Variants in PRMT1 observed in about 807,000 individuals in gnomAD.
PRMT1 encodes the protein protein arginine methyltransferase 1.
PRMT1 carries 5 observed loss-of-function variants against 47.4 expected under a neutral mutation model. That is an observed-to-expected ratio of 0.11 (90% CI 0.06 to 0.22). The LOEUF (loss-of-function observed/expected upper bound fraction) is 0.22. PRMT1 is among the 10% of genes least tolerant of loss of function. The pLI, the probability that PRMT1 is intolerant of heterozygous loss-of-function variation, is 1.00. For synonymous variants in PRMT1, 227 were observed against 204.6 expected, an observed-to-expected ratio of 1.11 and a Z score of -0.94; for missense variants, 249 against 518.4, an observed-to-expected ratio of 0.48 and a Z score of 5.05.
rs562210457 is a variant in PRMT1 at position 49,688,028 on chromosome 19, C to G, written c.1033-134C>G. On this transcript the variant is annotated intron_variant, in intron 10 of 10. Coordinates refer to ENST00000454376, the MANE Select transcript of PRMT1 (RefSeq NM_001536.6). The surrounding 1 kb of genome is among the most constrained non-coding windows in gnomAD (Gnocchi z 5.3). ...GTCAGGGCAGCTGCTAGGGTGGGAC[C>G]AGCAGTTGGGGTCTGCAGCGTGGAG... 1.6e-5 allele frequency: 13 copies of G among 818,782 alleles called. No individual in the cohort carries two copies. In the African/African-American group the frequency reaches 1.8e-4, roughly 12 times the overall value. 50.7% of individuals were successfully genotyped at this position (818,782 alleles called of 1,614,324 possible).
chr19:49,685,963 G>T lies in PRMT1; in HGVS notation c.760-130G>T. ...CAGAGTGAAGGAGGAGCCGAGGCTGGGTGCCAGTGAGGGAGGGCTAGCAGG... is the reference window on the plus strand; with the variant it reads ...CAGAGTGAAGGAGGAGCCGAGGCTGTGTGCCAGTGAGGGAGGGCTAGCAGG... On this transcript the variant is annotated intron_variant, in intron 8 of 10. Coordinates refer to ENST00000454376, the MANE Select transcript of PRMT1 (RefSeq NM_001536.6). The surrounding 1 kb of genome is among the most constrained non-coding windows in gnomAD (Gnocchi z 4.7). 2 of 1,481,316 alleles carry T rather than the reference G, an allele frequency of 1.4e-6. No homozygotes were observed. The highest frequency in any genetic ancestry group is 2.8e-5 in the South Asian group (2 of 72,302). The allele number at this position is 1,481,316 out of a possible 1,614,324, so 91.8% of individuals were successfully genotyped here.
Position 49,685,832 on chromosome 19 carries a change from T to C in PRMT1, c.760-261T>C. ...TGGGGCGCCTGCATTCTAGGAGGTC[T>C]GGACAGAGTTAGGGTGGCACTGCCA... On this transcript the variant is annotated intron_variant, in intron 8 of 10. Transcript: ENST00000454376. The surrounding 1 kb of genome is among the most constrained non-coding windows in gnomAD (Gnocchi z 4.7). The C allele has an allele frequency of 7.6e-7, 1 of 1,315,274 alleles. No individual in the cohort carries two copies. The highest frequency in any genetic ancestry group is 9.7e-7 in the Non-Finnish European group (1 of 1,030,126). The allele number at this position is 1,315,274 out of a possible 1,614,324, so 81.5% of individuals were successfully genotyped here. A position where few individuals can be genotyped will look rare whatever the true frequency, so the allele number is the denominator to read the frequency against.
At position 49,685,835 on chromosome 19, in the gene PRMT1, A is replaced by T; in HGVS notation, c.760-258A>T. On this transcript the variant is annotated intron_variant, in intron 8 of 10. Transcript: ENST00000454376. The surrounding 1 kb of genome is among the most constrained non-coding windows in gnomAD (Gnocchi z 4.7). ...GGCGCCTGCATTCTAGGAGGTCTGG[A>T]CAGAGTTAGGGTGGCACTGCCAGGT... is the stretch of plus-strand genomic sequence containing the variant. The T allele has an allele frequency of 7.6e-7, 1 of 1,323,714 alleles. No individual in the cohort carries two copies. Among genetic ancestry groups the T allele is most frequent in the Non-Finnish European group, 9.7e-7 (1 of 1,035,006 alleles). The allele number at this position is 1,323,714 out of a possible 1,614,324, so 82.0% of individuals were successfully genotyped here.
intron 10 of PRMT1, among the ~76,000 whole-genome samples, chr19:49,687,279 C>T (rs1254419297): frequency 2.6e-5 from 4 of 152,076 alleles, no homozygotes; most frequent in African/African-American, 7.2e-5. Context: ...GGGGGCTTCT[C>T]GGAGACAGGG....
At chr19:49,686,497 A>G in intron 9 of PRMT1, 108 bp from the exon 10 acceptor site, 1 of 1,236,052 alleles carries the variant, frequency 8.1e-7, no homozygotes, top group African/African-American at 1.6e-5. Flanking sequence ...ACTCGCGGAT[A>G]GCAGTCCCAT....
chr19:49,685,011 C>T lies in PRMT1; in HGVS notation c.733C>T (p.Leu245=). 1 of 1,613,368 alleles carries T rather than the reference C, an allele frequency of 6.2e-7. No individual in the cohort carries two copies. The highest frequency in any genetic ancestry group is 8.5e-7 in the Non-Finnish European group (1 of 1,179,550). ...AGTGGATGTCGTGGACCCCAAACAG[C>T]TGGTCACCAACGCCTGCCTCATAAA... ...PLVDVVDPKQ[L]VTNACLIKEV... Residue 245 remains leucine, a synonymous_variant, in exon 8 of 11, where the codon CTG becomes TTG. Transcript: ENST00000454376. This position sits in a 1 kb window ranked among gnomAD's most constrained non-coding sequence, Gnocchi z 4.7.
chr19:49,684,650 C>A lies in PRMT1; in HGVS notation c.556-104C>A. On this transcript the variant is annotated intron_variant, in intron 6 of 10. Coordinates refer to ENST00000454376, the MANE Select transcript of PRMT1 (RefSeq NM_001536.6). The surrounding 1 kb of genome is among the most constrained non-coding windows in gnomAD (Gnocchi z 6.2). ...GGGCGAGGGGTGAGTGCCGCTGCGA[C>A]ATGAGGGTGGCCCAGACCAGGGCAG... The A allele has an allele frequency of 7.7e-7, 1 of 1,301,144 alleles. No homozygotes were observed. Among genetic ancestry groups the A allele is most frequent in the East Asian group, 2.5e-5 (1 of 39,386 alleles). The allele number at this position is 1,301,144 out of a possible 1,614,324, so 80.6% of individuals were successfully genotyped here. A position where few individuals can be genotyped will look rare whatever the true frequency, so the allele number is the denominator to read the frequency against.
chr19:49,678,678 C>G (rs1429934029), intron 1 of PRMT1, among the ~76,000 whole-genome samples: 1 of 152,096 alleles, frequency 6.6e-6, no homozygotes, highest in Non-Finnish European at 1.5e-5. Flanking sequence ...GCTGGAGGGG[C>G]AGGTCAGCTC....
At chr19:49,678,071 G>A (rs1307844931) in intron 1 of PRMT1, among the ~76,000 whole-genome samples, 1 of 152,128 alleles carries the variant, frequency 6.6e-6, no homozygotes, top group Middle Eastern at 3.4e-3. Flanking sequence ...AATAGGCGCC[G>A]TGCACCCCCT....
Position 49,680,498 on chromosome 19 carries a change from C to T in PRMT1, c.102C>T (p.Gly34=), listed in dbSNP as rs768772824. Residue 34 remains glycine, a synonymous_variant, in exon 3 of 11, where the codon GGC becomes GGT. Transcript: ENST00000454376. The surrounding 1 kb of genome is among the most constrained non-coding windows in gnomAD (Gnocchi z 4.2). ...LQPPLEEVSC[G]QAESSEKPNA... is the part of the protein sequence containing the mutation. ...CGGCCCCCTCCCAGGTGTCCTGTGG[C>T]CAGGCGGAAAGCAGTGAGAAGCCCA... 2.5e-6 allele frequency: 4 copies of T among 1,613,884 alleles called. No homozygotes were observed. The highest frequency in any genetic ancestry group is 3.3e-5 in the Admixed American group (2 of 60,022).
intron 5 of PRMT1, among the ~76,000 whole-genome samples, chr19:49,682,465 A>G (rs900255928): frequency 6.6e-6 from 1 of 152,044 alleles, no homozygotes; most frequent in African/African-American, 2.4e-5. Flanking sequence ...GGCAAGAAGC[A>G]CTCTCTAGTT....
intron 9 of PRMT1, 56 bp downstream of exon 9, chr19:49,686,299 C>G (rs1441547315): frequency 6.5e-7 from 1 of 1,526,758 alleles, no homozygotes. Flanking sequence ...GGAGGCGCAC[C>G]CACGTAGTGG....
chr19:49,686,491 G>A (rs1047955558), intron 9 of PRMT1, 114 bp from the exon 10 acceptor site: 3 of 1,295,742 alleles, frequency 2.3e-6, no homozygotes, highest in South Asian at 1.5e-5. Flanking sequence ...GAGGTGACTC[G>A]CGGATAGCAG....
Position 49,685,748 on chromosome 19 carries a change from GT to G in PRMT1, c.760-343del. The G allele has an allele frequency of 9.2e-7, 1 of 1,091,488 alleles. No homozygotes were observed. The highest frequency in any genetic ancestry group is 1.1e-6 in the Non-Finnish European group (1 of 895,820). The allele number at this position is 1,091,488 out of a possible 1,614,324, so 67.6% of individuals were successfully genotyped here. ...GCGCAGGGTTTAGGTTGGCATTTGT[GT>G]TGCCGTTTGAAGCCATCATGTTGTT... is the stretch of plus-strand genomic sequence containing the variant. On this transcript the variant is annotated intron_variant, in intron 8 of 10. Coordinates refer to ENST00000454376, the MANE Select transcript of PRMT1 (RefSeq NM_001536.6). The surrounding 1 kb of genome is among the most constrained non-coding windows in gnomAD (Gnocchi z 4.7).
At position 49,681,850 on chromosome 19, in the gene PRMT1, C is replaced by G; in HGVS notation, c.193-60C>G. 1 of 1,564,288 alleles carries G rather than the reference C, an allele frequency of 6.4e-7. No individual in the cohort carries two copies. The highest frequency in any genetic ancestry group is 8.7e-7 in the Non-Finnish European group (1 of 1,149,196). On this transcript the variant is annotated intron_variant, in intron 3 of 10. Transcript: ENST00000454376. This position sits in a 1 kb window ranked among gnomAD's most constrained non-coding sequence, Gnocchi z 4.4. ...TGGCCCTCCGAGCTCTCAGGACACG[C>G]TGTTCTCCAGCTGGGGATATGGGGC...
At position 49,688,413 on chromosome 19, in the gene PRMT1, A is replaced by G. The variant is rs1409783071; in HGVS notation, c.*168A>G. ...TGTTTTTCATAACTTATGTTTTTATATGGTTGCATTTACGCCAATAAATCC... is the reference window on the plus strand; with the variant it reads ...TGTTTTTCATAACTTATGTTTTTATGTGGTTGCATTTACGCCAATAAATCC... On this transcript the variant is annotated 3_prime_UTR_variant, in exon 11 of 11. Transcript: ENST00000454376. The surrounding 1 kb of genome is among the most constrained non-coding windows in gnomAD (Gnocchi z 5.3). 4 of 648,298 alleles carry G rather than the reference A, an allele frequency of 6.2e-6. No individual in the cohort carries two copies. Among genetic ancestry groups the G allele is most frequent in the African/African-American group, 5.5e-5 (3 of 54,912 alleles). The allele number at this position is 648,298 out of a possible 1,614,324, so 40.2% of individuals were successfully genotyped here. A position where few individuals can be genotyped will look rare whatever the true frequency, so the allele number is the denominator to read the frequency against.
intron 5 of PRMT1, 82 bp downstream of exon 5, chr19:49,682,341 G>C: frequency 7.0e-7 from 1 of 1,422,120 alleles, no homozygotes; most frequent in Non-Finnish European, 9.9e-7. Flanking sequence ...GAGCAGTGGG[G>C]TCTACAGATG....
rs748581669 is a variant in PRMT1 at position 49,684,932 on chromosome 19, C to T, written c.654C>T (p.Asn218=). 6.3e-6 allele frequency: 10 copies of T among 1,599,318 alleles called. No individual in the cohort carries two copies. Among genetic ancestry groups the T allele is most frequent in the Middle Eastern group, 1.7e-4 (1 of 6,018 alleles). ...TGCCTGCCTCCCCAGGGTGGGAGAA[C>T]GTGTATGGCTTCGACATGTCTTGCA... ...YKDYKIHWWE[N]VYGFDMSCIK... Residue 218 remains asparagine, a synonymous_variant, in exon 8 of 11, where the codon AAC becomes AAT. Transcript: ENST00000454376. This position sits in a 1 kb window ranked among gnomAD's most constrained non-coding sequence, Gnocchi z 6.2.
In PRMT1 at chr19:49,688,137, C is replaced by T. The variant is rs893501297; in HGVS notation, c.1033-25C>T. ...GCCACCACCTCCTGGTGGGTTCCGC[C>T]CTCATGCCCCACCTCTCCCTGCAGC... is the stretch of plus-strand genomic sequence containing the variant. On this transcript the variant is annotated intron_variant, in intron 10 of 10. Transcript: ENST00000454376. The surrounding 1 kb of genome is among the most constrained non-coding windows in gnomAD (Gnocchi z 5.3). 3 of 1,609,520 alleles carry T rather than the reference C, an allele frequency of 1.9e-6. No homozygotes were observed. Among genetic ancestry groups the T allele is most frequent in the Non-Finnish European group, 2.6e-6 (3 of 1,175,930 alleles).
Sources: allele counts gnomAD v4.1 joint callset (sites outside exome capture counted in the v4.1 genomes callset), GRCh38; gene constraint gnomAD v4.1.1; non-coding constraint Gnocchi (gnomAD v3.1); transcripts MANE v1.5; gene names NCBI Gene and HGNC (gene_info 2026-07-23, HGNC 2026-07-21).